Variants in SEMA5B observed in about 807,000 individuals in gnomAD.
The protein encoded by SEMA5B is semaphorin-5B.
SEMA5B carries 66 observed loss-of-function variants against 135.0 expected under a neutral mutation model. The observed-to-expected ratio is 0.49, with a 90% confidence interval of 0.40 to 0.60. The LOEUF (loss-of-function observed/expected upper bound fraction) is 0.60. Among genes scored for constraint, SEMA5B ranks in the 20% least tolerant of loss-of-function variants. The pLI, the probability that SEMA5B is intolerant of heterozygous loss-of-function variation, is 0.00. For missense variants in SEMA5B, 1,501 were observed against 1,566.3 expected, an observed-to-expected ratio of 0.96 and a Z score of 0.70; for synonymous variants, 690 against 639.5, an observed-to-expected ratio of 1.08 and a Z score of -1.19.
intron 3 of SEMA5B, among the ~76,000 whole-genome samples, chr3:122,945,764 AG>A (rs1471428276): frequency 7.2e-6 from 1 of 139,682 alleles, no homozygotes; most frequent in Non-Finnish European, 1.5e-5. Context: ...GTCTTCACTT[AG>A]GCCCTTTCTT....
intron 1 of SEMA5B, among the ~76,000 whole-genome samples, chr3:122,985,541 C>T (rs1024594096): frequency 1.3e-5 from 2 of 151,952 alleles, no homozygotes; most frequent in Non-Finnish European, 2.9e-5. Context: ...AAAATGTTGT[C>T]CCCAGCAACT....
At chr3:122,939,363 C>T (rs1470769868) in intron 5 of SEMA5B, 62 bp downstream of exon 5, 6 of 1,359,402 alleles carry the variant, frequency 4.4e-6, no homozygotes, top group South Asian at 1.2e-5. Flanking sequence ...ACTTGCGTTG[C>T]CCTGCCTTGG....
intron 5 of SEMA5B, among the ~76,000 whole-genome samples, chr3:122,936,111 T>C (rs1939274281): frequency 6.6e-6 from 1 of 152,166 alleles, no homozygotes. Flanking sequence ...TAGTGGAGTT[T>C]TGTGAAGGGG....
intron 4 of SEMA5B, among the ~76,000 whole-genome samples, chr3:122,943,191 A>G (rs1939638356): frequency 6.6e-6 from 1 of 152,090 alleles, no homozygotes; most frequent in African/African-American, 2.4e-5. Context: ...CCCTGCTCTC[A>G]CTAACTGCCA....
intron 1 of SEMA5B, chr3:122,976,237 G>T: frequency 7.4e-7 from 1 of 1,355,476 alleles, no homozygotes; most frequent in Non-Finnish European, 9.9e-7. Context: ...CTGGGAACTT[G>T]TTTAAAATGC....
At chr3:122,919,077 G>A (rs1436197585) in intron 12 of SEMA5B, among the ~76,000 whole-genome samples, 1 of 151,116 alleles carries the variant, frequency 6.6e-6, no homozygotes, top group African/African-American at 2.4e-5. Context: ...TGGGCTCGGA[G>A]GTGTGACAGA....
rs936047696 is a variant in SEMA5B at position 122,913,759 on chromosome 3, G to A, written c.2133-78C>T. 3.2e-5 allele frequency: 51 copies of A among 1,580,368 alleles called. No homozygotes were observed. The Middle Eastern group carries it at 5.2e-4, about 16-fold the overall frequency. ...GAGAGGTCCCTGGGAGTGCAAGACC[G>A]GAAAGGACGAGAGTCCCCGGGATCA... On this transcript the variant is annotated intron_variant, in intron 15 of 22. Transcript: ENST00000357599.
intron 3 of SEMA5B, among the ~76,000 whole-genome samples, chr3:122,947,257 A>G (rs1478190620): frequency 6.6e-6 from 1 of 152,064 alleles, no homozygotes; most frequent in Non-Finnish European, 1.5e-5. Flanking sequence ...GGACATTGTT[A>G]ATTTACTTTA....
chr3:123,028,153 A>C (rs1942853339), upstream of SEMA5B, among the ~76,000 whole-genome samples: 1 of 151,916 alleles, frequency 6.6e-6, no homozygotes, highest in African/African-American at 2.4e-5. Flanking sequence ...TGCCCACCCC[A>C]ACACTCAGGG....
intron 5 of SEMA5B, among the ~76,000 whole-genome samples, chr3:122,935,259 T>C (rs1477765349): frequency 6.6e-6 from 1 of 152,034 alleles, no homozygotes; most frequent in Non-Finnish European, 1.5e-5. Context: ...CTGGTCTCTG[T>C]AGTCATTGAG....
chr3:122,922,672 C>A (rs1306255385), intron 10 of SEMA5B, among the ~76,000 whole-genome samples: 1 of 152,174 alleles, frequency 6.6e-6, no homozygotes, highest in Non-Finnish European at 1.5e-5. Flanking sequence ...GAAGGAGGAT[C>A]CTGCCAGGGT....
chr3:122,999,652 T>C (rs1486472932), intron 1 of SEMA5B, among the ~76,000 whole-genome samples: 2 of 152,112 alleles, frequency 1.3e-5, no homozygotes, highest in Admixed American at 6.5e-5. Context: ...GGACCCTCCC[T>C]TTCTCCTTCC....
At chr3:123,001,138 A>G (rs1942164430) in intron 1 of SEMA5B, among the ~76,000 whole-genome samples, 2 of 152,148 alleles carry the variant, frequency 1.3e-5, no homozygotes, top group Non-Finnish European at 2.9e-5. Context: ...GAAGATGGAA[A>G]GGCTGTGGGA....
intron 1 of SEMA5B, among the ~76,000 whole-genome samples, chr3:123,004,988 C>G (rs1327588480): frequency 6.6e-6 from 1 of 152,200 alleles, no homozygotes; most frequent in African/African-American, 2.4e-5. Context: ...ATGGGAGAAC[C>G]AGGGCCTGGT....
intron 9 of SEMA5B, 24 bp downstream of exon 9, chr3:122,926,368 G>A (rs763200074): frequency 4.4e-6 from 7 of 1,595,268 alleles, no homozygotes; most frequent in Non-Finnish European, 6.0e-6. Flanking sequence ...CACAGGCAAG[G>A]GGCTGGCAGA....
Position 122,913,606 on chromosome 3 carries a change from G to A in SEMA5B, c.2208C>T (p.Ser736=), listed in dbSNP as rs372450085. ...ASWGSWSKCS[S]NCGGGMQSRR... ...GCGACTGCATGCCCCCTCCACAGTT[G>A]CTGCTGCACTTGCTCCAGGAGCCCC... is the stretch of plus-strand genomic sequence containing the variant. Residue 736 remains serine (S), a synonymous_variant, in exon 16 of 23, where the codon AGC becomes AGT. Coordinates refer to ENST00000357599, the MANE Select transcript of SEMA5B (RefSeq NM_001031702.4). 19 of 1,613,336 alleles carry A rather than the reference G, an allele frequency of 1.2e-5. No homozygotes were observed. The African/African-American group carries it at 2.4e-4, about 20-fold the overall frequency.
chr3:122,989,886 A>C (rs1249839030), intron 1 of SEMA5B, among the ~76,000 whole-genome samples: 2 of 152,196 alleles, frequency 1.3e-5, no homozygotes, highest in Non-Finnish European at 2.9e-5. Context: ...GATTCTGCGT[A>C]GTTAGGCAGA....
At chr3:122,988,495 G>A (rs1941767757) in intron 1 of SEMA5B, among the ~76,000 whole-genome samples, 1 of 152,242 alleles carries the variant, frequency 6.6e-6, no homozygotes, top group South Asian at 2.1e-4. Context: ...CAACCAGTTG[G>A]ACAGGCAGAC....
At chr3:122,990,471 C>G (rs537814622) in intron 1 of SEMA5B, among the ~76,000 whole-genome samples, 1 of 152,222 alleles carries the variant, frequency 6.6e-6, no homozygotes, top group East Asian at 1.9e-4. Flanking sequence ...TTCACCTGAA[C>G]CAGTAGTTCT....
Sources: allele counts gnomAD v4.1 joint callset (sites outside exome capture counted in the v4.1 genomes callset), GRCh38; gene constraint gnomAD v4.1.1; transcripts MANE v1.5; gene names NCBI Gene and HGNC (gene_info 2026-07-23, HGNC 2026-07-21).